The following DNM3 variants were observed in gnomAD, a reference collection of about 807,000 sequenced individuals.
DNM3 encodes the protein dynamin 3.
Under a neutral mutation model 101.6 loss-of-function variants are expected in DNM3, and 47 were observed. That is an observed-to-expected ratio of 0.46 (90% CI 0.37 to 0.59). The LOEUF (loss-of-function observed/expected upper bound fraction) is 0.59, where lower values mean the gene tolerates loss of function less well. Among genes scored for constraint, DNM3 ranks in the 20% least tolerant of loss-of-function variants. The probability of loss-of-function intolerance (pLI) is 0.00; values close to 1 mark genes in which losing one functional copy is unlikely to be tolerated. For missense variants in DNM3, 849 were observed against 1,085.7 expected (o/e 0.78, Z 3.06); for synonymous variants, 385 against 387.9 (o/e 0.99, Z 0.09).
chr1:172,229,708 T>C (rs960397461), intron 14 of DNM3, among the ~76,000 whole-genome samples: 8 of 152,130 alleles, frequency 5.3e-5, no homozygotes, highest in Admixed American at 3.9e-4. Flanking sequence ...TATGTATGTA[T>C]ATTATAATAA....
chr1:171,989,544 T>A (rs565256464), intron 4 of DNM3, among the ~76,000 whole-genome samples: 2 of 152,192 alleles, frequency 1.3e-5, no homozygotes, highest in African/African-American at 4.8e-5. Flanking sequence ...AACCTTTGTG[T>A]TTTTTACTTT....
rs745651671 is a variant in DNM3, at chr1:172,304,222, A to AAAC, written c.1770-4506_1770-4505insAAC. Among the ~76,000 whole-genome samples the AAAC allele has an allele frequency of 1.7e-4, 22 of 128,942 alleles. 2 individuals are homozygous for AAAC. Among genetic ancestry groups the AAAC allele is most frequent in the African/African-American group, 6.3e-4 (18 of 28,568 alleles). The allele number at this position is 128,942 out of a possible 152,430, so 84.6% of individuals were successfully genotyped here. On this transcript the variant is annotated intron_variant, in intron 15 of 20. Transcript: ENST00000627582. ...AAAGGAAAGCAAAAAAAAAAAAAAAACAGGAGTTGCAATCCTAGTCTCTGA... is the reference window on the plus strand; with the variant it reads ...AAAGGAAAGCAAAAAAAAAAAAAAAAAACCAGGAGTTGCAATCCTAGTCTCTGA...
At chr1:172,205,694 G>A (rs1477768873) in intron 14 of DNM3, among the ~76,000 whole-genome samples, 1 of 152,094 alleles carries the variant, frequency 6.6e-6, no homozygotes, top group Non-Finnish European at 1.5e-5. Context: ...CTATTGCTAT[G>A]TGTTGTTTTG....
In DNM3 at chr1:172,267,195, G is replaced by C. The variant is rs186120449; in HGVS notation, c.1769+13513G>C. Reference sequence around the variant, plus strand: ...TGAGACTGCTTTCCATGAGGGAGAGGCTGTTTTTCTTATTCATTGCTGTAT... The same window carrying C: ...TGAGACTGCTTTCCATGAGGGAGAGCCTGTTTTTCTTATTCATTGCTGTAT... On this transcript the variant is annotated intron_variant, in intron 15 of 20. Transcript: ENST00000627582. Among the ~76,000 whole-genome samples the C allele has an allele frequency of 1.3e-4, 20 of 152,290 alleles. No individual in the cohort carries two copies. The East Asian group carries it at 3.9e-3, about 29-fold the overall frequency.
chr1:171,957,067 T>A (rs1245435898), intron 2 of DNM3, among the ~76,000 whole-genome samples: 1 of 152,224 alleles, frequency 6.6e-6, no homozygotes, highest in East Asian at 1.9e-4. Flanking sequence ...TGTGAAGACC[T>A]CTGAAATGCC....
At chr1:172,135,392 A>T (rs2057161841) in intron 14 of DNM3, among the ~76,000 whole-genome samples, 1 of 152,188 alleles carries the variant, frequency 6.6e-6, no homozygotes, top group African/African-American at 2.4e-5. Context: ...AAGTGTCAAA[A>T]TTAAATTATT....
chr1:172,214,830 A>G (rs1250587148), intron 14 of DNM3, among the ~76,000 whole-genome samples: 2 of 152,134 alleles, frequency 1.3e-5, no homozygotes, highest in Non-Finnish European at 2.9e-5. Context: ...GTGTATTTTA[A>G]ATTAGTCCTT....
chr1:172,046,740 C>G lies in DNM3; in HGVS notation c.1197-1872C>G, dbSNP rs1034499880. On this transcript the variant is annotated intron_variant, in intron 9 of 20. Transcript: ENST00000627582. ...AGCTCCCTATTCTATTTCTTCTCCA[C>G]CAAATCCAGAATACATTTGGTGTAG... Among the ~76,000 whole-genome samples the G allele has an allele frequency of 2.6e-5, 4 of 152,228 alleles. No individual in the cohort carries two copies. In the East Asian group the frequency reaches 7.7e-4, roughly 29 times the overall value.
chr1:172,167,909 A>G (rs1194861570), intron 14 of DNM3, among the ~76,000 whole-genome samples: 1 of 151,998 alleles, frequency 6.6e-6, no homozygotes, highest in Non-Finnish European at 1.5e-5. Context: ...GATAACTCAT[A>G]TTACCACAGT....
chr1:172,395,029 G>GTTAT (rs2069857534), intron 20 of DNM3, among the ~76,000 whole-genome samples: 1 of 152,136 alleles, frequency 6.6e-6, no homozygotes, highest in South Asian at 2.1e-4. Context: ...GACAGTTCTT[G>GTTAT]TTATTTCTTG....
intron 14 of DNM3, among the ~76,000 whole-genome samples, chr1:172,246,802 G>A (rs928789407): frequency 2.0e-5 from 3 of 152,054 alleles, no homozygotes; most frequent in African/African-American, 7.2e-5. Flanking sequence ...AGCATGAAGG[G>A]CTTGGATTAA....
rs530601503 is a variant in DNM3 at position 171,894,206 on chromosome 1, C to T, written c.162-27542C>T. On this transcript the variant is annotated intron_variant, in intron 1 of 20. Coordinates refer to ENST00000627582, the MANE Select transcript of DNM3 (RefSeq NM_015569.5). ...CTCCTGATCTCAAGTGACCCGCCCA[C>T]CTTGGCCTCCCAAAGTGCTGGGATT... Among the ~76,000 whole-genome samples the T allele has an allele frequency of 1.6e-4, 25 of 152,186 alleles. 1 individual carries two copies. Among genetic ancestry groups the T allele is most frequent in the African/African-American group, 5.8e-4 (24 of 41,536 alleles).
At chr1:172,378,322 A>AAT (rs2068718479) in intron 17 of DNM3, 1 of 152,072 alleles carries the variant, frequency 6.6e-6, no homozygotes, top group Non-Finnish European at 1.5e-5. Flanking sequence ...TGCTTTTCTC[A>AAT]TGTTGCACAA....
Position 172,388,808 on chromosome 1 carries a change from A to C in DNM3, c.2521A>C (p.Ser841Arg). The change falls in exon 20 of 21, where the codon AGC (serine) becomes CGC (arginine). Residue 841 changes from serine to arginine, a missense_variant and splice_region_variant. Coordinates refer to ENST00000627582, the MANE Select transcript of DNM3 (RefSeq NM_015569.5). ...TACGAGGGCCCCGCCCAGTGTCCCA[A>C]GGTAAGGCATGGAGCAGAAATTGGG... The part of the protein sequence containing the change: ...RPTRAPPSVP[S>R]RRPPPSPTRP... 6.4e-7 allele frequency: 1 copy of C among 1,573,106 alleles called. No individual in the cohort carries two copies. Among genetic ancestry groups the C allele is most frequent in the Non-Finnish European group, 8.6e-7 (1 of 1,158,924 alleles).
At chr1:172,010,845 G>A (rs561405338) in intron 4 of DNM3, among the ~76,000 whole-genome samples, 13 of 151,208 alleles carry the variant, frequency 8.6e-5, no homozygotes, top group Admixed American at 2.0e-4. Context: ...AATTTTGTGC[G>A]TATTTGTAAT....
chr1:171,999,066 G>A (rs1446844954), intron 4 of DNM3, among the ~76,000 whole-genome samples: 1 of 152,090 alleles, frequency 6.6e-6, no homozygotes, highest in Non-Finnish European at 1.5e-5. Context: ...TTTAAGAGTA[G>A]AGAGGCAAGA....
chr1:171,855,648 A>AT (rs2033524927), intron 1 of DNM3, among the ~76,000 whole-genome samples: 1 of 151,094 alleles, frequency 6.6e-6, no homozygotes, highest in Non-Finnish European at 1.5e-5. Flanking sequence ...GAGCTTTTTT[A>AT]TTTTTTTCTT....
At chr1:172,399,633 TTC>T (rs1306922065) in intron 20 of DNM3, among the ~76,000 whole-genome samples, 7 of 152,178 alleles carry the variant, frequency 4.6e-5, no homozygotes, top group Admixed American at 1.3e-4. Flanking sequence ...CTCTCTGTTT[TTC>T]TCTGTTTGCT....
intron 1 of DNM3, among the ~76,000 whole-genome samples, chr1:171,854,502 T>C (rs1239715492): frequency 6.6e-6 from 1 of 152,160 alleles, no homozygotes; most frequent in Non-Finnish European, 1.5e-5. Context: ...TTTTTCCTTT[T>C]TTTCTGAGAC....
Sources: allele counts gnomAD v4.1 joint callset (sites outside exome capture counted in the v4.1 genomes callset), GRCh38; gene constraint gnomAD v4.1.1; transcripts MANE v1.5; gene names NCBI Gene and HGNC (gene_info 2026-07-23, HGNC 2026-07-21).